CDH26: variants seen among roughly 807,000 people sequenced by gnomAD.
CDH26 encodes cadherin-like protein 26.
Under a neutral mutation model 90.3 loss-of-function variants are expected in CDH26, and 83 were observed. The ratio of observed to expected loss-of-function variants is 0.92; its 90% CI spans 0.77 to 1.10. CDH26 has a LOEUF of 1.10. Among genes scored for constraint, CDH26 ranks in the 50% least tolerant of loss-of-function variants. The pLI is 0.00. For synonymous variants in CDH26, 397 were observed against 396.3 expected (o/e 1.00, Z -0.02); for missense variants, 1,013 against 1,037.6 (o/e 0.98, Z 0.33).
intron 15 of CDH26, among the ~76,000 whole-genome samples, chr20:60,002,400 C>T (rs2146007476): frequency 6.6e-6 from 1 of 151,964 alleles, no homozygotes; most frequent in South Asian, 2.1e-4. Flanking sequence ...TAAAGAACCT[C>T]TGCTTGGTTT....
chr20:60,006,632 G>C (rs2061754474), intron 16 of CDH26, 81 bp from the exon 17 acceptor site: 2 of 995,078 alleles, frequency 2.0e-6, no homozygotes, highest in Non-Finnish European at 3.2e-6. Flanking sequence ...CCCCATCTAT[G>C]CTGGGGCCAC....
At chr20:59,993,039 A>AT (rs1251130276) in intron 10 of CDH26, among the ~76,000 whole-genome samples, 1 of 152,224 alleles carries the variant, frequency 6.6e-6, no homozygotes, top group African/African-American at 2.4e-5. Flanking sequence ...TAACTTTAAA[A>AT]TTGTATTTAA....
intron 1 of CDH26, among the ~76,000 whole-genome samples, chr20:59,967,826 TTTC>T (rs2061172712): frequency 1.7e-5 from 1 of 58,220 alleles, no homozygotes; most frequent in African/African-American, 1.2e-4. Context: ...TCTTTCTTTC[TTTC>T]TTTCTTTCTT....
chr20:59,972,382 C>T (rs190845893), intron 4 of CDH26, among the ~76,000 whole-genome samples: 3 of 152,182 alleles, frequency 2.0e-5, no homozygotes, highest in African/African-American at 7.2e-5. Context: ...CTAGCATGAT[C>T]GGGATATCAG....
chr20:60,009,044 C>T (rs1000488454), intron 17 of CDH26, among the ~76,000 whole-genome samples: 4 of 152,210 alleles, frequency 2.6e-5, no homozygotes, highest in Admixed American at 2.6e-4. Context: ...CGACTGTAAC[C>T]TCCCTGAGGG....
At chr20:60,010,177 A>T (rs2061812450) in intron 17 of CDH26, among the ~76,000 whole-genome samples, 1 of 148,870 alleles carries the variant, frequency 6.7e-6, no homozygotes, top group South Asian at 2.2e-4. Flanking sequence ...TGTTGCAGTC[A>T]CTGGGTGGGG....
intron 9 of CDH26, among the ~76,000 whole-genome samples, chr20:59,990,534 G>A (rs540682510): frequency 1.3e-3 from 195 of 152,312 alleles, no homozygotes; most frequent in Non-Finnish European, 2.0e-3. Context: ...TATCTGTTGG[G>A]AATGGCTAGA....
At chr20:60,016,776 G>C (rs1263869137), downstream of CDH26, among the ~76,000 whole-genome samples, 3 of 151,802 alleles carry the variant, frequency 2.0e-5, no homozygotes, top group Non-Finnish European at 4.4e-5. Flanking sequence ...AATTTGTTGA[G>C]GCACTTTCCT....
At chr20:60,033,875 A>G (rs1285423761) in exon 9 of CDH26, 2 of 696,962 alleles carry the variant, frequency 2.9e-6, no homozygotes, top group African/African-American at 3.9e-5. Flanking sequence ...TGTGGATGGC[A>G]GTTCACCATG....
intron 1 of CDH26, among the ~76,000 whole-genome samples, chr20:59,961,842 C>T (rs2061078620): frequency 6.6e-6 from 1 of 152,130 alleles, no homozygotes; most frequent in African/African-American, 2.4e-5. Context: ...TATGTCCTCA[C>T]CTTGGGGCTG....
Position 60,009,364 on chromosome 20 carries a change from C to A in CDH26, c.2295+2577C>A, listed in dbSNP as rs560471951. 2.0e-4 allele frequency among the ~76,000 whole-genome samples: 30 copies of A among 152,356 alleles called. 2 individuals are homozygous for A. In the South Asian group the frequency reaches 6.0e-3, roughly 31 times the overall value. On this transcript the variant is annotated intron_variant, in intron 17 of 17. Transcript: ENST00000348616. ...AAGCTCTGTGCAGACCAGATCATGT[C>A]TCTACAGAAAACGTAGCATGTGGTG...
At chr20:59,984,131 C>T (rs1460632740) in intron 5 of CDH26, among the ~76,000 whole-genome samples, 2 of 152,192 alleles carry the variant, frequency 1.3e-5, no homozygotes, top group East Asian at 3.8e-4. Context: ...TGCCCCCAGT[C>T]CACGAAGATG....
chr20:59,967,063 A>T (rs1316049738), intron 1 of CDH26, among the ~76,000 whole-genome samples: 1 of 152,242 alleles, frequency 6.6e-6, no homozygotes, highest in Non-Finnish European at 1.5e-5. Flanking sequence ...AAACCATAAA[A>T]ATTACACATT....
At chr20:59,959,326 C>A (rs1385382305) in intron 1 of CDH26, among the ~76,000 whole-genome samples, 1 of 152,008 alleles carries the variant, frequency 6.6e-6, no homozygotes, top group Non-Finnish European at 1.5e-5. Flanking sequence ...TCTCGAACTC[C>A]TAAGCTCAAG....
At chr20:59,993,820 AG>A (rs2061557475) in intron 10 of CDH26, among the ~76,000 whole-genome samples, 1 of 152,172 alleles carries the variant, frequency 6.6e-6, no homozygotes, top group Admixed American at 6.5e-5. Flanking sequence ...AGTTTTCCCC[AG>A]GGGCAACACC....
intron 4 of CDH26, among the ~76,000 whole-genome samples, chr20:59,977,145 A>G (rs1219253290): frequency 6.6e-6 from 1 of 152,170 alleles, no homozygotes; most frequent in Admixed American, 6.5e-5. Context: ...GGGGATGAGC[A>G]GAGGCCATCT....
Position 59,983,144 on chromosome 20 carries a change from G to A in CDH26, c.541+74G>A, listed in dbSNP as rs2061414298. The A allele has an allele frequency of 4.0e-6, 6 of 1,504,456 alleles. No individual in the cohort carries two copies. The Admixed American group carries it at 9.9e-5, about 25-fold the overall frequency. The allele number at this position is 1,504,456 out of a possible 1,614,324, so 93.2% of individuals were successfully genotyped here. On this transcript the variant is annotated intron_variant, in intron 5 of 17. Coordinates refer to ENST00000348616, the MANE Select transcript of CDH26 (RefSeq NM_177980.4). ...TCCTTTTCATTAATATTGATGAGGA[G>A]CTTGATCCTAGTCATCTTCAGGGAG...
chr20:59,967,918 CCTTT>C (rs1181192597), intron 1 of CDH26, among the ~76,000 whole-genome samples: 3 of 133,058 alleles, frequency 2.3e-5, no homozygotes, highest in African/African-American at 9.1e-5. Flanking sequence ...CCTTTCCTTT[CCTTT>C]CCTTTCCTTT....
At chr20:59,996,515 G>A (rs367818132) in intron 12 of CDH26, 116 bp from the exon 13 acceptor site, 95 of 1,613,442 alleles carry the variant, frequency 5.9e-5, no homozygotes, top group Non-Finnish European at 7.4e-5. Flanking sequence ...TGACTAAGAC[G>A]CAATTTGGCC....
Sources: gnomAD v4.1 joint callset for allele counts (sites outside exome capture counted in the v4.1 genomes callset) on GRCh38, gnomAD v4.1.1 for gene constraint, MANE v1.5 for transcripts, NCBI Gene and HGNC (gene_info 2026-07-23, HGNC 2026-07-21) for gene names.